Variants in ADAM17 observed in about 807,000 individuals in gnomAD.
ADAM17 encodes the protein ADAM metallopeptidase domain 17, also known as disintegrin and metalloproteinase domain-containing protein 17.
ADAM17 carries 39 observed loss-of-function variants against 96.7 expected under a neutral mutation model. That is an observed-to-expected ratio of 0.40 (90% CI 0.31 to 0.53). The LOEUF is 0.53. Ranked by LOEUF, ADAM17 falls within the 20% of genes least tolerant of loss-of-function variation. ADAM17 has a pLI of 0.44. For synonymous variants in ADAM17, 344 were observed against 359.2 expected (o/e 0.96, Z 0.48); for missense variants, 777 against 1,013.2 (o/e 0.77, Z 3.17).
chr2:9,547,198 C>T (rs1264560602), intron 1 of ADAM17, among the ~76,000 whole-genome samples: 3 of 152,144 alleles, frequency 2.0e-5, no homozygotes, highest in African/African-American at 7.2e-5. Flanking sequence ...CCTACCCCTC[C>T]TTTCTTGCAC....
intron 1 of ADAM17, among the ~76,000 whole-genome samples, chr2:9,547,001 C>T (rs537697366): frequency 9.2e-5 from 14 of 152,336 alleles, no homozygotes; most frequent in African/African-American, 3.4e-4. Flanking sequence ...GCCACAGAGC[C>T]CAGCCCATAT....
chr2:9,506,776 C>T (rs1016270085), intron 11 of ADAM17: 1 of 152,154 alleles, frequency 6.6e-6, no homozygotes, highest in African/African-American at 2.4e-5. Context: ...CTCTGGGTTC[C>T]ATTTTATCAG....
intron 3 of ADAM17, 78 bp from the exon 4 acceptor site, chr2:9,536,000 A>G: frequency 1.0e-6 from 1 of 995,726 alleles, no homozygotes; most frequent in Admixed American, 3.3e-5. Flanking sequence ...AATAAAAATT[A>G]AATCCTTCAG....
In ADAM17 at chr2:9,490,467, G is replaced by A. The variant is rs1417404032; in HGVS notation, c.2185C>T (p.Pro729Ser). 1.2e-6 allele frequency: 2 copies of A among 1,613,952 alleles called. No individual in the cohort carries two copies. Among genetic ancestry groups the A allele is most frequent in the East Asian group, 4.5e-5 (2 of 44,890 alleles). ...CCTGGAGTCTGGGGCGCAGGAAAGGGTTTGATAATGCGAACCGATGCAGAA... is the reference window on the plus strand; with the variant it reads ...CCTGGAGTCTGGGGCGCAGGAAAGGATTTGATAATGCGAACCGATGCAGAA... ...MDSASVRIIKPFPAPQTPGRL... is the reference protein window; with the variant it reads ...MDSASVRIIKSFPAPQTPGRL... Residue 729 changes from proline to serine, a missense_variant, in exon 19 of 19, where the codon CCC becomes TCC. By Grantham distance (74) the Pro-to-Ser change is moderately conservative (BLOSUM62 -1). This residue lies in a region of ADAM17 where 197 missense variants were observed against 219.4 expected (regional missense o/e 0.90). Coordinates refer to ENST00000310823, the MANE Select transcript of ADAM17 (RefSeq NM_003183.6).
At chr2:9,554,347 T>C (rs1297188464) in intron 1 of ADAM17, among the ~76,000 whole-genome samples, 1 of 152,178 alleles carries the variant, frequency 6.6e-6, no homozygotes, top group African/African-American at 2.4e-5. Context: ...AAAATGTCCT[T>C]CAATTTGTAC....
intron 13 of ADAM17, among the ~76,000 whole-genome samples, chr2:9,501,371 C>T (rs1662994306): frequency 1.3e-5 from 2 of 152,156 alleles, no homozygotes; most frequent in Admixed American, 1.3e-4. Flanking sequence ...GGCAACCTAG[C>T]AGTGGTGCTC....
chr2:9,501,823 A>T (rs1295821435), intron 13 of ADAM17, among the ~76,000 whole-genome samples: 4 of 152,198 alleles, frequency 2.6e-5, no homozygotes, highest in Non-Finnish European at 5.9e-5. Flanking sequence ...TGAATTTTTT[A>T]AAAGTAAATT....
chr2:9,539,397 G>A (rs1454847759), intron 2 of ADAM17, among the ~76,000 whole-genome samples: 1 of 152,236 alleles, frequency 6.6e-6, no homozygotes, highest in East Asian at 1.9e-4. Context: ...TTACATGTGT[G>A]AGTCACCACG....
At chr2:9,506,908 G>A (rs890406507) in intron 11 of ADAM17, 28 of 152,186 alleles carry the variant, frequency 1.8e-4, no homozygotes, top group African/African-American at 6.3e-4. Flanking sequence ...CGCAACTCTG[G>A]CTTTCTGCCT....
chr2:9,494,789 G>A, intron 14 of ADAM17, 22 bp from the exon 15 acceptor site: 1 of 1,613,132 alleles, frequency 6.2e-7, no homozygotes, highest in Non-Finnish European at 8.5e-7. Context: ...AACACGCATT[G>A]ACAGCTGGAT....
rs1016671563 is a variant in ADAM17 at position 9,494,692 on chromosome 2, T to C, written c.1859A>G (p.Lys620Arg). The C allele has an allele frequency of 6.2e-7, 1 of 1,614,150 alleles. No homozygotes were observed. Among genetic ancestry groups the C allele is most frequent in the Non-Finnish European group, 8.5e-7 (1 of 1,180,000 alleles). The part of the protein sequence containing the change: ...RCVPYVDAEQ[K>R]NLFLRKGKPC... ...CTTTCCTTTCCTCAAAAATAAGTTCTTTTGTTCAGCATCGACATAGGGCAC... is the reference window on the plus strand; with the variant it reads ...CTTTCCTTTCCTCAAAAATAAGTTCCTTTGTTCAGCATCGACATAGGGCAC... Residue 620 changes from lysine to arginine, a missense_variant, in exon 15 of 19, where the codon AAG (lysine) becomes AGG (arginine). Physicochemically the swap from Lys to Arg is conservative, Grantham distance 26. Coordinates refer to ENST00000310823, the MANE Select transcript of ADAM17 (RefSeq NM_003183.6).
rs1171476482 is a variant in ADAM17 at position 9,489,939 on chromosome 2, T to C, written c.*238A>G. Reference sequence around the variant, plus strand: ...TGCTTTTGCACCACAGGTCAAAAGATATTTTAAAAACTAAAACCTGAAAGC... The same window carrying C: ...TGCTTTTGCACCACAGGTCAAAAGACATTTTAAAAACTAAAACCTGAAAGC... On this transcript the variant is annotated 3_prime_UTR_variant, in exon 19 of 19. Transcript: ENST00000310823. 5 of 446,698 alleles carry C rather than the reference T, an allele frequency of 1.1e-5. No individual in the cohort carries two copies. Among genetic ancestry groups the C allele is most frequent in the Non-Finnish European group, 2.0e-5 (5 of 251,800 alleles). 27.7% of individuals were successfully genotyped at this position (446,698 alleles called of 1,614,324 possible). A position where few individuals can be genotyped will look rare whatever the true frequency, so the allele number is the denominator to read the frequency against.
chr2:9,499,858 T>C (rs1204258719), intron 13 of ADAM17, among the ~76,000 whole-genome samples: 1 of 152,232 alleles, frequency 6.6e-6, no homozygotes, highest in African/African-American at 2.4e-5. Context: ...TCCAGCTTTC[T>C]GTTTGCATCC....
At chr2:9,507,829 T>C (rs530393233) in intron 11 of ADAM17, among the ~76,000 whole-genome samples, 7 of 152,196 alleles carry the variant, frequency 4.6e-5, no homozygotes. Flanking sequence ...CCTCCTACCT[T>C]AGCCTCCTGA....
Position 9,523,334 on chromosome 2 carries a change from T to C in ADAM17, c.758A>G (p.Glu253Gly). The C allele has an allele frequency of 6.2e-7, 1 of 1,610,200 alleles. No homozygotes were observed. The change falls in exon 7 of 19, where the codon GAG becomes GGG. Residue 253 changes from glutamate to glycine, a missense_variant. Coordinates refer to ENST00000310823, the MANE Select transcript of ADAM17 (RefSeq NM_003183.6). ...EESTTTNYLI[E>G]LIDRVDDIYR... ...GATGTCATCAACTCTGTCAATTAGC[T>C]CTATCTGTGTGTATTTAAAAAAGAA...
chr2:9,549,560 G>A (rs558252848), intron 1 of ADAM17, among the ~76,000 whole-genome samples: 87 of 152,232 alleles, frequency 5.7e-4, no homozygotes, highest in Non-Finnish European at 9.4e-4. Flanking sequence ...ACAGGGTCTC[G>A]CTCTGTTGCT....
At chr2:9,509,416 T>C (rs193147970) in intron 11 of ADAM17, among the ~76,000 whole-genome samples, 1 of 152,286 alleles carries the variant, frequency 6.6e-6, no homozygotes, top group African/African-American at 2.4e-5. Context: ...AAACCCCCAA[T>C]AGTAAATGAT....
In ADAM17 at chr2:9,555,799, A is replaced by C; in HGVS notation, c.-194T>G. ...CCCAGAAGTGCAGGTGGCGTTACCA[A>C]AGGCCGGCTCAGCCAGCTTCCGGCC... On this transcript the variant is annotated 5_prime_UTR_variant, in exon 1 of 19. Transcript: ENST00000310823. 1 of 450,404 alleles carries C rather than the reference A, an allele frequency of 2.2e-6. No homozygotes were observed. Among genetic ancestry groups the C allele is most frequent in the Non-Finnish European group, 3.8e-6 (1 of 259,894 alleles). The allele number at this position is 450,404 out of a possible 1,614,324, so 27.9% of individuals were successfully genotyped here.
rs1663651943 is a variant in ADAM17 at position 9,510,137 on chromosome 2, G to A, written c.1192-6C>T. On this transcript the variant is annotated splice_region_variant and splice_polypyrimidine_tract_variant and intron_variant, in intron 10 of 18. Coordinates refer to ENST00000310823, the MANE Select transcript of ADAM17 (RefSeq NM_003183.6). ...GTTGTAACCAGGTCAGCTTCCTTAAGGATCATGCAAAGAAAACATTATTTC... is the reference window on the plus strand; with the variant it reads ...GTTGTAACCAGGTCAGCTTCCTTAAAGATCATGCAAAGAAAACATTATTTC... 3.7e-6 allele frequency: 6 copies of A among 1,613,864 alleles called. No homozygotes were observed. Among genetic ancestry groups the A allele is most frequent in the East Asian group, 2.2e-5 (1 of 44,876 alleles).
Sources: allele counts gnomAD v4.1 joint callset (sites outside exome capture counted in the v4.1 genomes callset), GRCh38; gene constraint gnomAD v4.1.1; regional missense constraint gnomAD v4.1.1; transcripts MANE v1.5; gene names NCBI Gene and HGNC (gene_info 2026-07-23, HGNC 2026-07-21).